Variants in USP47 observed in about 807,000 individuals in gnomAD.
USP47 encodes the protein ubiquitin carboxyl-terminal hydrolase 47.
In USP47, 35 loss-of-function variants were observed where a neutral mutation model predicts 165.1. That is an observed-to-expected ratio of 0.21 (90% CI 0.16 to 0.28). The LOEUF is 0.28. Ranked by LOEUF, USP47 falls within the 10% of genes least tolerant of loss-of-function variation. The pLI is 1.00. For synonymous variants in USP47, 531 were observed against 544.5 expected, an observed-to-expected ratio of 0.98 and a Z score of 0.35; for missense variants, 1,277 against 1,607.4, an observed-to-expected ratio of 0.79 and a Z score of 3.52.
chr11:11,920,995 CTTTA>C (rs1853795802), intron 10 of USP47, among the ~76,000 whole-genome samples: 1 of 151,604 alleles, frequency 6.6e-6, no homozygotes, highest in Non-Finnish European at 1.5e-5. Context: ...TAATTTGAAA[CTTTA>C]TTTAAATAAT....
At chr11:11,864,858 C>T (rs1849582430) in intron 1 of USP47, among the ~76,000 whole-genome samples, 1 of 152,068 alleles carries the variant, frequency 6.6e-6, no homozygotes. Context: ...CAAATCTTTT[C>T]ATTTTTCTTC....
chr11:11,928,345 T>C (rs1478089104), intron 11 of USP47, among the ~76,000 whole-genome samples: 2 of 152,084 alleles, frequency 1.3e-5, no homozygotes, highest in Non-Finnish European at 2.9e-5. Context: ...TTAATTTTAG[T>C]TTTAGGAATA....
chr11:11,854,209 A>G (rs1848897956), intron 1 of USP47, among the ~76,000 whole-genome samples: 1 of 146,140 alleles, frequency 6.8e-6, no homozygotes, highest in Non-Finnish European at 1.5e-5. Context: ...ACCTGATTGC[A>G]TATTCTTAAT....
At chr11:11,879,652 A>T (rs780189891) in intron 1 of USP47, among the ~76,000 whole-genome samples, 4 of 152,016 alleles carry the variant, frequency 2.6e-5, no homozygotes, top group Non-Finnish European at 5.9e-5. Context: ...GGACATCTGG[A>T]CTTATGAGTA....
In USP47 at chr11:11,942,813, A is replaced by G. The variant is rs1462508506; in HGVS notation, c.2792A>G (p.Asp931Gly). 6.2e-7 allele frequency: 1 copy of G among 1,613,732 alleles called. No individual in the cohort carries two copies. The highest frequency in any genetic ancestry group is 8.5e-7 in the Non-Finnish European group (1 of 1,179,778). ...EERSDSDVNN[D>G]RSTSSVDSDI... is the part of the protein sequence containing the mutation. ...CGATCAGACTCAGATGTGAATAATG[A>G]CAGGAGTACAAGTTCAGTGGACAGT... is the stretch of plus-strand genomic sequence containing the variant. The change falls in exon 20 of 28, where the codon GAC (aspartate) becomes GGC (glycine). Residue 931 changes from aspartate (D) to glycine (G), a missense_variant. Physicochemically the swap from Asp to Gly is moderately conservative, Grantham distance 94 (BLOSUM62 -1). This residue lies in a region of USP47 where 909 missense variants were observed against 1,068.1 expected (regional missense o/e 0.85). Coordinates refer to ENST00000527733, the MANE Select transcript of USP47 (RefSeq NM_001282659.2).
In USP47 at chr11:11,947,979, G is replaced by A. The variant is rs747975337; in HGVS notation, c.3126G>A (p.Leu1042=). ...TGCATGTTGATAAAAGAATTACTCTGGCAGCTTTCAAACAACATTTAGAGC... is the reference window on the plus strand; with the variant it reads ...TGCATGTTGATAAAAGAATTACTCTAGCAGCTTTCAAACAACATTTAGAGC... The part of the protein sequence containing the change: ...LMVHVDKRIT[L]AAFKQHLEPF... The change falls in exon 21 of 28, where the codon CTG becomes CTA. Residue 1042 remains leucine (L), a synonymous_variant. Transcript: ENST00000527733. 5.6e-6 allele frequency: 9 copies of A among 1,612,080 alleles called. No individual in the cohort carries two copies. In the African/African-American group the frequency reaches 1.2e-4, roughly 22 times the overall value.
At chr11:11,923,490 A>T (rs1177088137) in intron 11 of USP47, among the ~76,000 whole-genome samples, 1 of 152,014 alleles carries the variant, frequency 6.6e-6, no homozygotes, top group African/African-American at 2.4e-5. Context: ...GAATTGGATA[A>T]TCTCTGGGAT....
At chr11:11,898,192 A>T (rs1460999672) in intron 5 of USP47, among the ~76,000 whole-genome samples, 3 of 152,040 alleles carry the variant, frequency 2.0e-5, no homozygotes, top group African/African-American at 7.2e-5. Context: ...ATAGTTTAAA[A>T]TGCTCTATGG....
rs1231893015 is a variant in USP47 at position 11,922,953 on chromosome 11, A to G, written c.1386+62A>G. The G allele has an allele frequency of 5.4e-6, 8 of 1,490,296 alleles. No individual in the cohort carries two copies. The Admixed American group carries it at 1.6e-4, about 29-fold the overall frequency. 92.3% of individuals were successfully genotyped at this position (1,490,296 alleles called of 1,614,324 possible). On this transcript the variant is annotated intron_variant, in intron 11 of 27. Transcript: ENST00000527733. ...AGAATAATCTCTGACTTCCTATATA[A>G]TTCTATAGCTGTTGTGACTGATAAA...
intron 1 of USP47, among the ~76,000 whole-genome samples, chr11:11,857,066 T>C (rs1438089998): frequency 3.3e-5 from 5 of 150,536 alleles, no homozygotes; most frequent in Admixed American, 1.3e-4. Context: ...CCAAATAATA[T>C]TTATTTAATA....
intron 11 of USP47, among the ~76,000 whole-genome samples, chr11:11,925,055 TTCCATTTATTTG>T (rs1198814588): frequency 2.0e-5 from 3 of 151,714 alleles, no homozygotes; most frequent in Non-Finnish European, 3.0e-5. Context: ...GAGGATGTCT[TTCCATTTATTTG>T]TGTCTTTAAT....
At position 11,936,485 on chromosome 11, in the gene USP47, G is replaced by C. The variant is rs1455718505; in HGVS notation, c.2052G>C (p.Gln684His). The C allele has an allele frequency of 6.3e-7, 1 of 1,589,054 alleles. No individual in the cohort carries two copies. The highest frequency in any genetic ancestry group is 1.3e-5 in the African/African-American group (1 of 74,248). ...DLLLETRKPD[Q>H]VFQSYKPGEV... is the part of the protein sequence containing the mutation. ...TGTTGGAGACGAGAAAGCCTGATCA[G>C]GTTTTCCAATCTTATAAACCTGGAG... Residue 684 changes from glutamine (Q) to histidine (H), a missense_variant, in exon 17 of 28, where the codon CAG becomes CAC. Gln to His is a conservative substitution (Grantham distance 24). Around this residue, in one of 4 missense-constraint regions of USP47, gnomAD observed 909 missense variants for 1,068.1 expected, o/e 0.85. Transcript: ENST00000527733.
At chr11:11,875,068 TG>T (rs768553417) in intron 1 of USP47, among the ~76,000 whole-genome samples, 5,929 of 151,086 alleles carry the variant, frequency 0.039, 181 homozygotes, top group African/African-American at 0.071. Context: ...TGTGTGTGTG[TG>T]TGTGTGTGTG....
At chr11:11,858,891 T>C (rs550647366) in intron 1 of USP47, among the ~76,000 whole-genome samples, 1 of 152,324 alleles carries the variant, frequency 6.6e-6, no homozygotes, top group Non-Finnish European at 1.5e-5. Flanking sequence ...TATGTCTTCA[T>C]ATGGTAAGTG....
intron 2 of USP47, among the ~76,000 whole-genome samples, chr11:11,880,766 A>G (rs1850773842): frequency 6.6e-6 from 1 of 152,210 alleles, no homozygotes; most frequent in Non-Finnish European, 1.5e-5. Flanking sequence ...AAAAATATTC[A>G]TAGTAAGAAA....
rs1564861836 is a variant in USP47 at position 11,880,187 on chromosome 11, CT to C, written c.51del (p.Ala18LeufsTer19). The C allele has an allele frequency of 6.8e-7, 1 of 1,472,484 alleles. No individual in the cohort carries two copies. Among genetic ancestry groups the C allele is most frequent in the Non-Finnish European group, 8.9e-7 (1 of 1,122,288 alleles). The allele number at this position is 1,472,484 out of a possible 1,614,324, so 91.2% of individuals were successfully genotyped here. On this transcript the variant is annotated frameshift_variant, in exon 2 of 28. Coordinates refer to ENST00000527733, the MANE Select transcript of USP47 (RefSeq NM_001282659.2). LOFTEE classifies it high-confidence loss of function. ...TTCTTAAAATTTCAGATAGAAAATG[CT>C]GCTGAAGAACCTAGAGTCTTATGTA... ...NQLVPKEIEN[A>X]AEEPRVLCII...
chr11:11,860,011 G>A (rs1013338023), intron 1 of USP47, among the ~76,000 whole-genome samples: 7 of 150,808 alleles, frequency 4.6e-5, no homozygotes, highest in African/African-American at 1.7e-4. Flanking sequence ...GGCTGAGACA[G>A]AAGAATTGCG....
intron 1 of USP47, among the ~76,000 whole-genome samples, chr11:11,842,790 A>G (rs1228045282): frequency 1.3e-5 from 2 of 150,010 alleles, no homozygotes; most frequent in Admixed American, 6.6e-5. Context: ...ATGGGACATT[A>G]ATGTAAAGGA....
At chr11:11,904,297 A>C (rs577377290) in intron 7 of USP47, among the ~76,000 whole-genome samples, 1 of 152,322 alleles carries the variant, frequency 6.6e-6, no homozygotes, top group Non-Finnish European at 1.5e-5. Context: ...TGAATGAAGA[A>C]GGCTTCATTA....
Sources: allele counts gnomAD v4.1 joint callset (sites outside exome capture counted in the v4.1 genomes callset), GRCh38; gene constraint gnomAD v4.1.1; regional missense constraint gnomAD v4.1.1; transcripts MANE v1.5; gene names NCBI Gene and HGNC (gene_info 2026-07-23, HGNC 2026-07-21).